ARHGAP6: variants seen among roughly 807,000 people sequenced by gnomAD.
ARHGAP6 encodes Rho GTPase activating protein 6, also known as rho GTPase-activating protein 6.
A neutral mutation model predicts 55.7 loss-of-function variants in ARHGAP6; 16 were observed. That is an observed-to-expected ratio of 0.29 (90% CI 0.19 to 0.44). The LOEUF is 0.44. Among genes scored for constraint, ARHGAP6 ranks in the 20% least tolerant of loss-of-function variants. The pLI is 1.00. For missense variants in ARHGAP6, 698 were observed against 808.9 expected, an observed-to-expected ratio of 0.86 and a Z score of 1.66; for synonymous variants, 382 against 360.9, an observed-to-expected ratio of 1.06 and a Z score of -0.66.
intron 2 of ARHGAP6, among the ~76,000 whole-genome samples, chrX:11,197,381 T>C (rs1400374581): frequency 8.9e-6 from 1 of 112,440 alleles, no homozygotes; most frequent in East Asian, 2.8e-4. Context: ...ATGTATAGCT[T>C]TGACATTTAC....
intron 1 of ARHGAP6, among the ~76,000 whole-genome samples, chrX:11,501,877 C>T (rs1486515397): frequency 9.0e-6 from 1 of 110,986 alleles, no homozygotes; most frequent in Admixed American, 9.6e-5. Flanking sequence ...TTTGCTGTCT[C>T]GAGGGTGGCA....
chrX:11,413,030 A>G (rs768093371), intron 1 of ARHGAP6, among the ~76,000 whole-genome samples: 22 of 112,100 alleles, frequency 2.0e-4, no homozygotes, highest in African/African-American at 7.1e-4. Flanking sequence ...GGCTCTCACA[A>G]GGGTGCTGAC....
chrX:11,316,144 T>C (rs2048357473), intron 1 of ARHGAP6, among the ~76,000 whole-genome samples: 1 of 112,064 alleles, frequency 8.9e-6, no homozygotes, highest in South Asian at 3.8e-4. Flanking sequence ...AATGGTTCCA[T>C]CTTGGTCCAA....
chrX:11,180,014 G>A, intron 6 of ARHGAP6, among the ~76,000 whole-genome samples: 1 of 107,916 alleles, frequency 9.3e-6, no homozygotes, highest in African/African-American at 3.5e-5. Context: ...AAAGCAAAGA[G>A]ATTTTTTTTT....
chrX:11,252,682 C>T (rs2047439499), intron 2 of ARHGAP6, among the ~76,000 whole-genome samples: 1 of 112,420 alleles, frequency 8.9e-6, no homozygotes, highest in African/African-American at 3.2e-5. Context: ...CAAACCGTGA[C>T]AAGAAAGCCA....
At chrX:11,451,184 A>G (rs1350249119) in intron 1 of ARHGAP6, among the ~76,000 whole-genome samples, 2 of 112,011 alleles carry the variant, frequency 1.8e-5, no homozygotes, top group Non-Finnish European at 3.8e-5. Flanking sequence ...TACCCTTAAC[A>G]GTTGCAGGAA....
chrX:11,376,347 C>T (rs73498722), intron 1 of ARHGAP6, among the ~76,000 whole-genome samples: 15,706 of 112,157 alleles, frequency 0.14, 1,758 homozygotes, highest in African/African-American at 0.38. Context: ...ATCCCATGAA[C>T]CTTTAAAAGT....
intron 1 of ARHGAP6, among the ~76,000 whole-genome samples, chrX:11,644,951 G>A (rs1397578360): frequency 8.9e-6 from 1 of 111,847 alleles, no homozygotes; most frequent in Non-Finnish European, 1.9e-5. Flanking sequence ...ACTTTGACGG[G>A]TGAATGGAAA....
intron 1 of ARHGAP6, among the ~76,000 whole-genome samples, chrX:11,619,512 A>C (rs148600923): frequency 0.012 from 1,358 of 112,607 alleles, 19 homozygotes; most frequent in African/African-American, 0.042. Context: ...TGGATGACTC[A>C]ATGAAAAAGG....
chrX:11,390,709 C>A (rs1474054431), intron 1 of ARHGAP6, among the ~76,000 whole-genome samples: 126 of 112,101 alleles, frequency 1.1e-3, no homozygotes, highest in Non-Finnish European at 1.6e-3. Context: ...ACACACATGA[C>A]AAAATGCTCA....
chrX:11,608,762 C>T (rs191831620), intron 1 of ARHGAP6, among the ~76,000 whole-genome samples: 209 of 111,650 alleles, frequency 1.9e-3, no homozygotes, highest in Non-Finnish European at 2.8e-3. Flanking sequence ...CAGGGGGTTC[C>T]GCTTTTGCAT....
chrX:11,559,929 A>AAATAATAATAATAATAATAAT lies in ARHGAP6; in HGVS notation c.588+104291_588+104311dup, dbSNP rs755756728. 7.3e-3 allele frequency among the ~76,000 whole-genome samples: 704 copies of AAATAATAATAATAATAATAAT among 96,130 alleles called. 3 individuals carry two copies. Among genetic ancestry groups the AAATAATAATAATAATAATAAT allele is most frequent in the South Asian group, 0.015 (31 of 2,007 alleles). 83.5% of individuals were successfully genotyped at this position (96,130 alleles called of 115,157 possible). A position where few individuals can be genotyped will look rare whatever the true frequency, so the allele number is the denominator to read the frequency against. On this transcript the variant is annotated intron_variant, in intron 1 of 12. Transcript: ENST00000337414. ...GGCGACAGAGTGAGACTCGGTCTCA[A>AAATAATAATAATAATAATAAT]AATAATAATAATAATAATAATAATA...
chrX:11,213,226 G>A (rs1249741138), intron 2 of ARHGAP6, among the ~76,000 whole-genome samples: 2 of 112,953 alleles, frequency 1.8e-5, no homozygotes, highest in African/African-American at 3.2e-5. Flanking sequence ...CCCGTGGGTG[G>A]GGCCCAGGCT....
At chrX:11,325,052 G>T (rs2048482378) in intron 1 of ARHGAP6, among the ~76,000 whole-genome samples, 1 of 111,439 alleles carries the variant, frequency 9.0e-6, no homozygotes, top group South Asian at 3.8e-4. Flanking sequence ...TAGAGACGGG[G>T]TTTCACCTTG....
At chrX:11,355,250 C>T (rs2048917839) in intron 1 of ARHGAP6, among the ~76,000 whole-genome samples, 1 of 112,057 alleles carries the variant, frequency 8.9e-6, no homozygotes, top group African/African-American at 3.2e-5. Context: ...CCACCCCAGC[C>T]AGAGCACACA....
chrX:11,405,979 C>T (rs1270703571), intron 1 of ARHGAP6, among the ~76,000 whole-genome samples: 1 of 111,455 alleles, frequency 9.0e-6, no homozygotes, highest in Non-Finnish European at 1.9e-5. Flanking sequence ...ATGATCATCA[C>T]TGCAGCCACA....
intron 1 of ARHGAP6, among the ~76,000 whole-genome samples, chrX:11,487,491 T>G (rs2050522839): frequency 8.9e-6 from 1 of 112,158 alleles, no homozygotes; most frequent in African/African-American, 3.2e-5. Flanking sequence ...GGCTTCAGAT[T>G]CAGCAAATAA....
At chrX:11,262,398 TG>T (rs969555338) in intron 1 of ARHGAP6, among the ~76,000 whole-genome samples, 1 of 112,434 alleles carries the variant, frequency 8.9e-6, no homozygotes, top group Admixed American at 9.4e-5. Context: ...GTCATTCTTT[TG>T]AGCTAAGTTG....
At chrX:11,473,385 T>G (rs1270245802) in intron 1 of ARHGAP6, among the ~76,000 whole-genome samples, 1 of 111,962 alleles carries the variant, frequency 8.9e-6, no homozygotes, top group Non-Finnish European at 1.9e-5. Context: ...TGTGACCTTA[T>G]TTAGAAATGG....
Sources: allele counts gnomAD v4.1 joint callset (sites outside exome capture counted in the v4.1 genomes callset), GRCh38; gene constraint gnomAD v4.1.1; transcripts MANE v1.5; gene names NCBI Gene and HGNC (gene_info 2026-07-23, HGNC 2026-07-21).